FARP1: variants seen among roughly 807,000 people sequenced by gnomAD.
FARP1 encodes the protein FERM, ARHGEF and pleckstrin domain-containing protein 1.
In FARP1, 52 loss-of-function variants were observed where a neutral mutation model predicts 128.8. That is an observed-to-expected ratio of 0.40 (90% confidence interval 0.32 to 0.51). FARP1 has a LOEUF of 0.51. Ranked by LOEUF, FARP1 falls within the 20% of genes least tolerant of loss-of-function variation. The pLI is 0.45. For synonymous variants in FARP1, 580 were observed against 551.8 expected (o/e 1.05, Z -0.72); for missense variants, 1,333 against 1,367.9 (o/e 0.97, Z 0.40).
At chr13:98,232,141 G>GT (rs1566772933) in intron 2 of FARP1, among the ~76,000 whole-genome samples, 53 of 96,304 alleles carry the variant, frequency 5.5e-4, no homozygotes, top group East Asian at 7.1e-4. Context: ...TTTTTGTTTG[G>GT]TTGGTTTTTT....
At chr13:98,409,972 A>G (rs1891128186) in intron 14 of FARP1, among the ~76,000 whole-genome samples, 1 of 152,252 alleles carries the variant, frequency 6.6e-6, no homozygotes, top group Non-Finnish European at 1.5e-5. Flanking sequence ...CGCTGTGTGT[A>G]TAAACCACAC....
At chr13:98,440,506 C>T (rs1325756766) in intron 23 of FARP1, among the ~76,000 whole-genome samples, 164 bp from the exon 24 acceptor site, 1 of 152,186 alleles carries the variant, frequency 6.6e-6, no homozygotes, top group African/African-American at 2.4e-5. Context: ...GGCTGGGGCT[C>T]TGTGACTGGA....
At position 98,453,997 on chromosome 13, in the gene FARP1, G is replaced by A. The variant is rs1386609781; in HGVS notation, c.*5680G>A. 3.9e-5 allele frequency: 6 copies of A among 152,142 alleles called. No individual in the cohort carries two copies. Among genetic ancestry groups the A allele is most frequent in the Middle Eastern group, 3.2e-3 (1 of 316 alleles). The allele number at this position is 152,142 out of a possible 1,614,324, so 9.4% of individuals were successfully genotyped here. A position where few individuals can be genotyped will look rare whatever the true frequency, so the allele number is the denominator to read the frequency against. On this transcript the variant is annotated 3_prime_UTR_variant, in exon 27 of 27. Coordinates refer to ENST00000319562, the MANE Select transcript of FARP1 (RefSeq NM_005766.4). Reference sequence around the variant, plus strand: ...ATGCCCCAGAGAGCAGTTCCTTTGAGCCCCATGCTGGCGCTCAAAAGTTTC... The same window carrying A: ...ATGCCCCAGAGAGCAGTTCCTTTGAACCCCATGCTGGCGCTCAAAAGTTTC...
intron 2 of FARP1, among the ~76,000 whole-genome samples, chr13:98,287,440 A>T (rs1393709156): frequency 1.3e-5 from 2 of 151,832 alleles, no homozygotes; most frequent in Non-Finnish European, 2.9e-5. Context: ...CATGTTAGCC[A>T]GGATGGTCTC....
intron 2 of FARP1, among the ~76,000 whole-genome samples, chr13:98,313,331 C>CAT (rs1712749459): frequency 6.6e-6 from 1 of 151,814 alleles, no homozygotes; most frequent in African/African-American, 2.4e-5. Flanking sequence ...CACACACACA[C>CAT]ACACACACCT....
rs1404544152 is a variant in FARP1 at position 98,450,827 on chromosome 13, C to T, written c.*2510C>T. 2.0e-5 allele frequency: 3 copies of T among 152,268 alleles called. No homozygotes were observed. The highest frequency in any genetic ancestry group is 7.2e-5 in the African/African-American group (3 of 41,462). The allele number at this position is 152,268 out of a possible 1,614,324, so 9.4% of individuals were successfully genotyped here. ...GAAGTGGCGACACAAAAGCCAGCTT[C>T]CTTGGCTAAGATGCCCTTAAAAACA... On this transcript the variant is annotated 3_prime_UTR_variant, in exon 27 of 27. Coordinates refer to ENST00000319562, the MANE Select transcript of FARP1 (RefSeq NM_005766.4).
At chr13:98,202,461 C>T (rs1333498106) in intron 1 of FARP1, among the ~76,000 whole-genome samples, 3 of 152,208 alleles carry the variant, frequency 2.0e-5, no homozygotes, top group Admixed American at 6.5e-5. Context: ...TTGAATAACA[C>T]GTTTCTGTGA....
Position 98,450,291 on chromosome 13 carries a change from A to G in FARP1, c.*1974A>G, listed in dbSNP as rs1012390835. ...TAGGTCACTCTGCCTTTGCTGACAC[A>G]TTTTATAGCAGAAATACACAAGCTG... On this transcript the variant is annotated 3_prime_UTR_variant, in exon 27 of 27. Transcript: ENST00000319562. 1 of 152,218 alleles carries G rather than the reference A, an allele frequency of 6.6e-6. No individual in the cohort carries two copies. Among genetic ancestry groups the G allele is most frequent in the African/African-American group, 2.4e-5 (1 of 41,450 alleles). 9.4% of individuals were successfully genotyped at this position (152,218 alleles called of 1,614,324 possible). A position where few individuals can be genotyped will look rare whatever the true frequency, so the allele number is the denominator to read the frequency against.
At chr13:98,150,620 G>A (rs1875928525) in intron 1 of FARP1, among the ~76,000 whole-genome samples, 1 of 152,156 alleles carries the variant, frequency 6.6e-6, no homozygotes, top group Admixed American at 6.5e-5. Context: ...TATATTCAGT[G>A]TTGGAAGAAT....
At chr13:98,182,004 AAAT>A in intron 1 of FARP1, among the ~76,000 whole-genome samples, 1 of 152,316 alleles carries the variant, frequency 6.6e-6, no homozygotes, top group East Asian at 1.9e-4. Flanking sequence ...ACAAGATGAT[AAAT>A]AATAAATACT....
Position 98,372,496 on chromosome 13 carries a change from C to T in FARP1, c.398+4301C>T, listed in dbSNP as rs560236527. ...TGGGCATCCCGTCTTCAGTTGGATC[C>T]AGCTTCTACTTGCCTGTGTTCTTAT... is the stretch of plus-strand genomic sequence containing the variant. On this transcript the variant is annotated intron_variant, in intron 5 of 26. Coordinates refer to ENST00000319562, the MANE Select transcript of FARP1 (RefSeq NM_005766.4). Among the ~76,000 whole-genome samples, 6 of 152,216 alleles carry T rather than the reference C, an allele frequency of 3.9e-5. No individual in the cohort carries two copies. The East Asian group carries it at 9.7e-4, about 25-fold the overall frequency.
Position 98,237,304 on chromosome 13 carries a change from CA to C in FARP1, c.171+23905del, listed in dbSNP as rs201944641. On this transcript the variant is annotated intron_variant, in intron 2 of 26. Coordinates refer to ENST00000319562, the MANE Select transcript of FARP1 (RefSeq NM_005766.4). ...GGGCAACAAGATCGAAACTCCGTCT[CA>C]AAAAAAAAAAAAAGTTAAAATTTAT... is the stretch of plus-strand genomic sequence containing the variant. Among the ~76,000 whole-genome samples, 843 of 123,418 alleles carry C rather than the reference CA, an allele frequency of 6.8e-3. 5 individuals are homozygous for C. The highest frequency in any genetic ancestry group is 0.013 in the African/African-American group (452 of 34,280). The allele number at this position is 123,418 out of a possible 152,430, so 81.0% of individuals were successfully genotyped here.
At chr13:98,232,144 GGTT>G (rs1430272453) in intron 2 of FARP1, among the ~76,000 whole-genome samples, 17 of 111,672 alleles carry the variant, frequency 1.5e-4, no homozygotes, top group African/African-American at 6.3e-4. Flanking sequence ...TTGTTTGGTT[GGTT>G]TTTTTTTTTT....
At chr13:98,301,975 T>TC (rs1885946329) in intron 2 of FARP1, among the ~76,000 whole-genome samples, 1 of 140,382 alleles carries the variant, frequency 7.1e-6, no homozygotes, top group Non-Finnish European at 1.6e-5. Context: ...ATTTTTTTTT[T>TC]CCCCTAAGGA....
At chr13:98,375,637 T>G (rs887708327) in intron 5 of FARP1, among the ~76,000 whole-genome samples, 11 of 152,104 alleles carry the variant, frequency 7.2e-5, no homozygotes, top group Non-Finnish European at 1.2e-4. Context: ...TTGTTTTTGT[T>G]TTTGTTTTGA....
At chr13:98,210,505 AT>A (rs1880615005) in intron 1 of FARP1, among the ~76,000 whole-genome samples, 1 of 150,944 alleles carries the variant, frequency 6.6e-6, no homozygotes, top group Non-Finnish European at 1.5e-5. Context: ...TTCTGCCCTG[AT>A]TTCAAACTTT....
intron 3 of FARP1, among the ~76,000 whole-genome samples, chr13:98,345,068 G>T (rs1311415333): frequency 6.6e-6 from 1 of 152,224 alleles, no homozygotes; most frequent in African/African-American, 2.4e-5. Context: ...CTTCTGAAGA[G>T]AGTCCAGGAA....
At chr13:98,316,438 A>G (rs1280272654) in intron 2 of FARP1, among the ~76,000 whole-genome samples, 8 of 152,202 alleles carry the variant, frequency 5.3e-5, no homozygotes, top group Admixed American at 5.2e-4. Context: ...AGGTTAAAGA[A>G]CTTGTTCCAG....
chr13:98,153,549 A>AATATGTATAAAT (rs547815420), intron 1 of FARP1, among the ~76,000 whole-genome samples: 2 of 61,910 alleles, frequency 3.2e-5, no homozygotes, highest in Non-Finnish European at 6.3e-5. Context: ...AATATGTATA[A>AATATGTATAAAT]ATATATATTT....
Sources: gnomAD v4.1 joint callset for allele counts (sites outside exome capture counted in the v4.1 genomes callset) on GRCh38, gnomAD v4.1.1 for gene constraint, MANE v1.5 for transcripts, NCBI Gene and HGNC (gene_info 2026-07-23, HGNC 2026-07-21) for gene names.